The following ASTN1 variants were observed in gnomAD, a reference collection of about 807,000 sequenced individuals.
ASTN1 encodes the protein astrotactin-1.
A neutral mutation model predicts 140.7 loss-of-function variants in ASTN1; 41 were observed. The ratio of observed to expected loss-of-function variants is 0.29; its 90% CI spans 0.23 to 0.38. The LOEUF (loss-of-function observed/expected upper bound fraction) is 0.38. ASTN1 is among the 10% of genes least tolerant of loss of function. The probability of loss-of-function intolerance (pLI) is 1.00; values close to 1 mark genes in which losing one functional copy is unlikely to be tolerated. For missense variants in ASTN1, 1,479 were observed against 1,678.8 expected, an observed-to-expected ratio of 0.88 and a Z score of 2.08; for synonymous variants, 640 against 652.2, an observed-to-expected ratio of 0.98 and a Z score of 0.29.
At chr1:177,162,217 C>T (rs1435460767) in intron 1 of ASTN1, among the ~76,000 whole-genome samples, 1 of 152,180 alleles carries the variant, frequency 6.6e-6, no homozygotes, top group Non-Finnish European at 1.5e-5. Context: ...AATTTGGACT[C>T]CTCTTCCTTT....
In ASTN1 at chr1:176,882,340, C is replaced by A. The variant is rs951370013; in HGVS notation, c.3362+519G>T. Reference sequence around the variant, plus strand: ...ATAGCATTCTATCTTTCCAGTCTCACTTTCTTCCTTTCCCTTTTACTCACC... The same window carrying A: ...ATAGCATTCTATCTTTCCAGTCTCAATTTCTTCCTTTCCCTTTTACTCACC... On this transcript the variant is annotated intron_variant, in intron 20 of 22. Coordinates refer to ENST00000361833, the MANE Select transcript of ASTN1 (RefSeq NM_004319.3). Among the ~76,000 whole-genome samples, 29 of 152,198 alleles carry A rather than the reference C, an allele frequency of 1.9e-4. 1 individual carries two copies. Among genetic ancestry groups the A allele is most frequent in the Non-Finnish European group, 2.9e-5 (2 of 68,044 alleles).
At chr1:176,927,557 A>G (rs1351486679) in intron 16 of ASTN1, among the ~76,000 whole-genome samples, 1 of 152,156 alleles carries the variant, frequency 6.6e-6, no homozygotes. Context: ...TTTCTTGGTT[A>G]TTTCTCTGGG....
intron 1 of ASTN1, among the ~76,000 whole-genome samples, chr1:177,127,860 C>T (rs952418639): frequency 6.6e-5 from 10 of 152,174 alleles, no homozygotes; most frequent in South Asian, 6.2e-4. Context: ...TGATGCAAAA[C>T]GTAAATGTTT....
At chr1:176,899,559 C>T (rs1669677354) in intron 16 of ASTN1, among the ~76,000 whole-genome samples, 1 of 152,184 alleles carries the variant, frequency 6.6e-6, no homozygotes, top group African/African-American at 2.4e-5. Context: ...AAATCAAATG[C>T]AAGCTAATCA....
At chr1:176,970,581 A>AGGTT (rs1673096912) in intron 8 of ASTN1, among the ~76,000 whole-genome samples, 1 of 152,010 alleles carries the variant, frequency 6.6e-6, no homozygotes, top group South Asian at 2.1e-4. Flanking sequence ...GTAGGTAGGT[A>AGGTT]GGTAGGTAGA....
intron 1 of ASTN1, among the ~76,000 whole-genome samples, chr1:177,158,887 G>A (rs1292606231): frequency 6.8e-6 from 1 of 147,632 alleles, no homozygotes; most frequent in African/African-American, 2.5e-5. Context: ...GTGAAACCCT[G>A]CCTTTAATAA....
At chr1:176,857,594 T>C, downstream of ASTN1, 1 of 604,942 alleles carries the variant, frequency 1.7e-6, no homozygotes, top group Non-Finnish European at 3.0e-6. Flanking sequence ...GGCTGCCGTC[T>C]TCTTCCTTTC....
chr1:177,158,150 C>T (rs968744644), intron 1 of ASTN1, among the ~76,000 whole-genome samples: 5 of 152,138 alleles, frequency 3.3e-5, no homozygotes, highest in Admixed American at 2.6e-4. Flanking sequence ...AATACCAAAT[C>T]GTTTCACAAA....
At chr1:177,029,177 G>A (rs917308177) in intron 5 of ASTN1, among the ~76,000 whole-genome samples, 6 of 152,176 alleles carry the variant, frequency 3.9e-5, no homozygotes, top group Admixed American at 6.5e-5. Context: ...CAATTACACA[G>A]ATTTTCAGGC....
chr1:177,004,207 C>CA (rs1207366288), intron 8 of ASTN1, among the ~76,000 whole-genome samples: 1 of 151,732 alleles, frequency 6.6e-6, no homozygotes. Flanking sequence ...ATCAAGAACT[C>CA]AATCTCTTTT....
At chr1:176,906,912 A>T (rs1157093721) in intron 16 of ASTN1, among the ~76,000 whole-genome samples, 3 of 151,796 alleles carry the variant, frequency 2.0e-5, no homozygotes, top group Non-Finnish European at 4.4e-5. Flanking sequence ...AAGATGTGTG[A>T]TTTCTTTCAG....
At chr1:176,953,605 C>T (rs1672283481) in intron 11 of ASTN1, among the ~76,000 whole-genome samples, 2 of 152,228 alleles carry the variant, frequency 1.3e-5, no homozygotes. Context: ...CTTCTGCTTA[C>T]TGTCCTACAG....
chr1:177,048,956 C>T (rs976786605), intron 2 of ASTN1, among the ~76,000 whole-genome samples: 2 of 152,212 alleles, frequency 1.3e-5, no homozygotes, highest in African/African-American at 4.8e-5. Context: ...GTGATAGCTC[C>T]CTCCCAGGAT....
intron 16 of ASTN1, among the ~76,000 whole-genome samples, chr1:176,915,190 G>A (rs546321213): frequency 6.6e-6 from 1 of 152,104 alleles, no homozygotes; most frequent in Non-Finnish European, 1.5e-5. Context: ...TTGAATTAGC[G>A]TGCTACCGAG....
chr1:177,026,740 T>C (rs780284221), intron 5 of ASTN1, among the ~76,000 whole-genome samples: 11 of 152,226 alleles, frequency 7.2e-5, no homozygotes, highest in Admixed American at 2.6e-4. Flanking sequence ...AGTTTTGATT[T>C]GCGTTTCTCT....
chr1:177,083,216 A>G (rs1171764150), intron 1 of ASTN1, among the ~76,000 whole-genome samples: 1 of 152,104 alleles, frequency 6.6e-6, no homozygotes, highest in Non-Finnish European at 1.5e-5. Flanking sequence ...ATGGATCAGT[A>G]TATTTTCCTC....
chr1:177,098,707 T>A (rs541925537), intron 1 of ASTN1, among the ~76,000 whole-genome samples: 58 of 152,248 alleles, frequency 3.8e-4, no homozygotes, highest in African/African-American at 1.4e-3. Flanking sequence ...GAAAAAAATA[T>A]CGGTTATGAT....
chr1:176,857,441 G>A (rs1164950827), downstream of ASTN1: 1 of 404,786 alleles, frequency 2.5e-6, no homozygotes, highest in Non-Finnish European at 4.4e-6. Flanking sequence ...ATTATAGAAG[G>A]ACAAATAGGA....
chr1:177,013,289 C>T (rs1462257144), intron 8 of ASTN1, among the ~76,000 whole-genome samples: 1 of 152,160 alleles, frequency 6.6e-6, no homozygotes, highest in Non-Finnish European at 1.5e-5. Flanking sequence ...GTTTTCTGAC[C>T]TGTGACTCAG....
Sources: gnomAD v4.1 joint callset for allele counts (sites outside exome capture counted in the v4.1 genomes callset) on GRCh38, gnomAD v4.1.1 for gene constraint, MANE v1.5 for transcripts, NCBI Gene and HGNC (gene_info 2026-07-23, HGNC 2026-07-21) for gene names.